Variants in ZFHX4 observed in about 807,000 individuals in gnomAD.
ZFHX4 encodes zinc finger homeobox protein 4.
In ZFHX4, 56 loss-of-function variants were observed where a neutral mutation model predicts 267.6. The ratio of observed to expected loss-of-function variants is 0.21; its 90% confidence interval spans 0.17 to 0.26. The LOEUF (loss-of-function observed/expected upper bound fraction) is 0.26, where lower values mean the gene tolerates loss of function less well. ZFHX4 is among the 10% of genes least tolerant of loss of function. The probability of loss-of-function intolerance (pLI) is 1.00; values close to 1 mark genes in which losing one functional copy is unlikely to be tolerated. For missense variants in ZFHX4, 4,332 were observed against 4,420.0 expected, an observed-to-expected ratio of 0.98 and a Z score of 0.56; for synonymous variants, 1,778 against 1,665.6, an observed-to-expected ratio of 1.07 and a Z score of -1.64.
intron 1 of ZFHX4, among the ~76,000 whole-genome samples, chr8:76,696,221 T>A (rs1308336137): frequency 1.3e-5 from 2 of 152,190 alleles, no homozygotes; most frequent in African/African-American, 4.8e-5. Flanking sequence ...TATTTCATGC[T>A]GGACAATTTC....
intron 1 of ZFHX4, chr8:76,682,446 G>A (rs996028978): frequency 1.3e-5 from 2 of 152,522 alleles, no homozygotes; most frequent in Admixed American, 1.3e-4. Flanking sequence ...CGGAGCGGGC[G>A]CGGCAGGCAC....
chr8:76,778,510 A>AAAC (rs1810463383), intron 4 of ZFHX4, 71 bp downstream of exon 4: 2 of 1,055,762 alleles, frequency 1.9e-6, no homozygotes, highest in East Asian at 2.5e-5. Flanking sequence ...CACACACACA[A>AAAC]ACACACACAC....
rs200572308 is a variant in ZFHX4 at position 76,864,613 on chromosome 8, A to T, written c.*48A>T. On this transcript the variant is annotated 3_prime_UTR_variant, in exon 11 of 11. Transcript: ENST00000651372. Reference sequence around the variant, plus strand: ...TTAAAAAAATAAAAAATAAAAAAATAAAAAAAAAATAAGACTTTAACTGCA... The same window carrying T: ...TTAAAAAAATAAAAAATAAAAAAATTAAAAAAAAATAAGACTTTAACTGCA... 4.1e-5 allele frequency: 6 copies of T among 145,968 alleles called. No homozygotes were observed. The highest frequency in any genetic ancestry group is 5.7e-5 in the Non-Finnish European group (6 of 104,376). The allele number at this position is 145,968 out of a possible 1,614,324, so 9.0% of individuals were successfully genotyped here.
intron 3 of ZFHX4, among the ~76,000 whole-genome samples, chr8:76,776,009 G>A (rs1810392344): frequency 6.6e-6 from 1 of 151,838 alleles, no homozygotes; most frequent in Non-Finnish European, 1.5e-5. Flanking sequence ...CAAGAAACGA[G>A]GTTCTGTTCT....
Position 76,761,202 on chromosome 8 carries a change from T to C in ZFHX4, c.3094-17006T>C, listed in dbSNP as rs373980023. On this transcript the variant is annotated intron_variant, in intron 3 of 10. Coordinates refer to ENST00000651372, the MANE Select transcript of ZFHX4 (RefSeq NM_024721.5). ...TATTTTTTAACACAGTTTTGATATA[T>C]GCTAAAATTTTCAGGAATGCAACTA... Among the ~76,000 whole-genome samples the C allele has an allele frequency of 1.1e-4, 17 of 152,350 alleles. No individual in the cohort carries two copies. The East Asian group carries it at 3.1e-3, about 28-fold the overall frequency.
At chr8:76,745,544 TA>T in intron 3 of ZFHX4, among the ~76,000 whole-genome samples, 1 of 151,642 alleles carries the variant, frequency 6.6e-6, no homozygotes. Context: ...AAAAGTCAAT[TA>T]TTTTTTCAGT....
At chr8:76,781,440 C>G (rs183804710) in intron 4 of ZFHX4, among the ~76,000 whole-genome samples, 1 of 152,002 alleles carries the variant, frequency 6.6e-6, no homozygotes, top group East Asian at 1.9e-4. Context: ...AGGACTGGGT[C>G]TTCAAAACGA....
At chr8:76,814,529 A>C (rs1162804412) in intron 4 of ZFHX4, among the ~76,000 whole-genome samples, 1 of 152,060 alleles carries the variant, frequency 6.6e-6, no homozygotes, top group Non-Finnish European at 1.5e-5. Context: ...AAGGTCTATA[A>C]CTCCCACTAG....
At chr8:76,845,230 A>G (rs1332247159) in intron 6 of ZFHX4, among the ~76,000 whole-genome samples, 1 of 152,126 alleles carries the variant, frequency 6.6e-6, no homozygotes, top group African/African-American at 2.4e-5. Flanking sequence ...ATATTCATTC[A>G]TAATAGAAAA....
chr8:76,716,986 C>T (rs1001962119), intron 3 of ZFHX4, among the ~76,000 whole-genome samples: 1 of 152,086 alleles, frequency 6.6e-6, no homozygotes, highest in Non-Finnish European at 1.5e-5. Context: ...CAGTAATGCA[C>T]TAAATGGTAC....
intron 4 of ZFHX4, among the ~76,000 whole-genome samples, chr8:76,807,448 C>A (rs1195037312): frequency 6.6e-6 from 1 of 152,058 alleles, no homozygotes; most frequent in Non-Finnish European, 1.5e-5. Context: ...CTCTCTCCTA[C>A]CAGGAATTGC....
At chr8:76,834,409 G>A (rs1812016795) in intron 5 of ZFHX4, 1 of 213,248 alleles carries the variant, frequency 4.7e-6, no homozygotes, top group Admixed American at 5.2e-5. Context: ...TGTTGTCAGT[G>A]TTCTGGATTT....
At chr8:76,751,979 C>T (rs997138511) in intron 3 of ZFHX4, among the ~76,000 whole-genome samples, 3 of 151,916 alleles carry the variant, frequency 2.0e-5, no homozygotes, top group Admixed American at 6.6e-5. Context: ...GCCTAACTAA[C>T]GTCTATGTTA....
At chr8:76,726,892 A>G (rs965518366) in intron 3 of ZFHX4, among the ~76,000 whole-genome samples, 2 of 152,218 alleles carry the variant, frequency 1.3e-5, no homozygotes, top group African/African-American at 2.4e-5. Flanking sequence ...GGCCCTGAGC[A>G]AATTTCACTC....
chr8:76,790,933 C>A (rs1810819816), intron 4 of ZFHX4, among the ~76,000 whole-genome samples: 1 of 152,174 alleles, frequency 6.6e-6, no homozygotes, highest in Non-Finnish European at 1.5e-5. Flanking sequence ...AACAGCCACT[C>A]AACCAGAGAA....
Position 76,804,515 on chromosome 8 carries a change from G to A in ZFHX4, c.3325+26076G>A, listed in dbSNP as rs187404771. ...ACAAATTATTATTCTTGACTCAGTC[G>A]ACAAATCTATATACTGAAGAAAAGA... On this transcript the variant is annotated intron_variant, in intron 4 of 10. Transcript: ENST00000651372. Among the ~76,000 whole-genome samples, 8 of 152,008 alleles carry A rather than the reference G, an allele frequency of 5.3e-5. 1 individual carries two copies. The South Asian group carries it at 1.0e-3, about 20-fold the overall frequency.
intron 3 of ZFHX4, among the ~76,000 whole-genome samples, chr8:76,760,503 A>C (rs1157623809): frequency 1.3e-5 from 2 of 152,170 alleles, no homozygotes; most frequent in Non-Finnish European, 1.5e-5. Flanking sequence ...GTATCTGATT[A>C]AAATTATGAT....
intron 4 of ZFHX4, among the ~76,000 whole-genome samples, chr8:76,804,707 G>A (rs1811202962): frequency 6.7e-6 from 1 of 149,344 alleles, no homozygotes; most frequent in African/African-American, 2.5e-5. Context: ...AATTAATTAT[G>A]TTTGTTGATT....
intron 3 of ZFHX4, among the ~76,000 whole-genome samples, chr8:76,723,370 T>C (rs1322543590): frequency 6.6e-6 from 1 of 152,062 alleles, no homozygotes; most frequent in African/African-American, 2.4e-5. Flanking sequence ...TTCTAAGAGC[T>C]GAGATTATGC....
Sources: allele counts gnomAD v4.1 joint callset (sites outside exome capture counted in the v4.1 genomes callset), GRCh38; gene constraint gnomAD v4.1.1; transcripts MANE v1.5; gene names NCBI Gene and HGNC (gene_info 2026-07-23, HGNC 2026-07-21).